Variants in TLR8 observed in about 807,000 individuals in gnomAD.
The protein encoded by TLR8 is toll-like receptor 8.
A neutral mutation model predicts 18.5 loss-of-function variants in TLR8; 5 were observed. The ratio of observed to expected loss-of-function variants is 0.27; its 90% confidence interval spans 0.14 to 0.57. TLR8 has a LOEUF of 0.57. Among genes scored for constraint, TLR8 ranks in the 20% least tolerant of loss-of-function variants. The pLI is 0.92. For synonymous variants in TLR8, 299 were observed against 300.1 expected (o/e 1.00, Z 0.04); for missense variants, 543 against 769.8 (o/e 0.71, Z 3.49).
In TLR8 at chrX:12,922,288, G is replaced by C; in HGVS notation, c.*122G>C. 4.2e-6 allele frequency: 4 copies of C among 956,341 alleles called. No individual in the cohort carries two copies. The highest frequency in any genetic ancestry group is 5.6e-6 in the Non-Finnish European group (4 of 709,532). The allele number at this position is 956,341 out of a possible 1,213,427, so 78.8% of individuals were successfully genotyped here. A position where few individuals can be genotyped will look rare whatever the true frequency, so the allele number is the denominator to read the frequency against. ...CTTAGTGGTTTAAAACAACACATTT[G>C]CTGGCCCACAGTTTTTGAGGGTCAG... On this transcript the variant is annotated 3_prime_UTR_variant, in exon 2 of 2. Transcript: ENST00000218032.
Position 12,922,101 on chromosome X carries a change from G to T in TLR8, c.3061G>T (p.Val1021Leu). 8.3e-7 allele frequency: 1 copy of T among 1,211,179 alleles called. No individual in the cohort carries two copies. Among genetic ancestry groups the T allele is most frequent in the Non-Finnish European group, 1.1e-6 (1 of 895,190 alleles). The change falls in exon 2 of 2, where the codon GTG becomes TTG. Residue 1021 changes from valine to leucine, a missense_variant. This residue lies in a region of TLR8 where 227 missense variants were observed against 312.9 expected (regional missense o/e 0.73). Transcript: ENST00000218032. The stretch of plus-strand genomic sequence containing the variant: ...CTTGTTTTGGCAAACTCTGAGAAAT[G>T]TGGTCTTGACTGAAAATGATTCACG... ...EGLFWQTLRN[V>L]VLTENDSRYN... is the part of the protein sequence containing the mutation.
chrX:12,910,483 T>C, intron 1 of TLR8: 1 of 1,148,570 alleles, frequency 8.7e-7, no homozygotes, highest in Non-Finnish European at 1.2e-6. Context: ...TTTACGCCCC[T>C]CCCAGACCAC....
At chrX:12,907,896 T>A (rs1347927315) in intron 1 of TLR8, among the ~76,000 whole-genome samples, 1 of 111,847 alleles carries the variant, frequency 8.9e-6, no homozygotes, top group African/African-American at 3.3e-5. Flanking sequence ...TGCACTAAAA[T>A]TTTACAATGC....
rs1053695885 is a variant in TLR8 at position 12,922,126 on chromosome X, G to A, written c.3086G>A (p.Arg1029Gln). The part of the protein sequence containing the change: ...RNVVLTENDS[R>Q]YNNMYVDSIK... ...GTGGTCTTGACTGAAAATGATTCAC[G>A]GTATAACAATATGTATGTCGATTCC... Residue 1029 changes from arginine (R) to glutamine (Q), a missense_variant, in exon 2 of 2, where the codon CGG (arginine) becomes CAG (glutamine). Coordinates refer to ENST00000218032, the MANE Select transcript of TLR8 (RefSeq NM_138636.5). 3.3e-6 allele frequency: 4 copies of A among 1,207,500 alleles called. No homozygotes were observed. The highest frequency in any genetic ancestry group is 1.8e-5 in the South Asian group (1 of 56,236).
chrX:12,910,039 A>G (rs748613198), intron 1 of TLR8, among the ~76,000 whole-genome samples: 39 of 112,071 alleles, frequency 3.5e-4, no homozygotes, highest in Admixed American at 1.5e-3. Context: ...TAGTGAATCC[A>G]TTGAATTTGG....
rs976964102 is a variant in TLR8, at chrX:12,919,636, C to T, written c.596C>T (p.Thr199Met). The T allele has an allele frequency of 1.7e-6, 2 of 1,209,814 alleles. No homozygotes were observed. The highest frequency in any genetic ancestry group is 1.7e-5 in the African/African-American group (1 of 57,176). ...KTNIEDGVFE[T>M]LTNLELLSLS... ...AACATAGAAGATGGAGTATTTGAAA[C>T]GCTGACAAATTTGGAGTTGCTATCA... Residue 199 changes from threonine to methionine, a missense_variant, in exon 2 of 2, where the codon ACG becomes ATG. By Grantham distance (81) the Thr-to-Met change is moderately conservative (BLOSUM62 -1). Around this residue, in one of 4 missense-constraint regions of TLR8, gnomAD observed 185 missense variants for 298.9 expected, o/e 0.62. Coordinates refer to ENST00000218032, the MANE Select transcript of TLR8 (RefSeq NM_138636.5).
At position 12,921,621 on chromosome X, in the gene TLR8, A is replaced by T; in HGVS notation, c.2581A>T (p.Asn861Tyr). Residue 861 changes from asparagine (N) to tyrosine (Y), a missense_variant, in exon 2 of 2, where the codon AAT becomes TAT. By Grantham distance (143) the Asn-to-Tyr change is moderately radical. Around this residue, in one of 4 missense-constraint regions of TLR8, gnomAD observed 227 missense variants for 312.9 expected, o/e 0.73. Transcript: ENST00000218032. ...TTACTGGGATGTTTGGTTTATATAT[A>T]ATGTGTGTTTAGCTAAGGTAAAAGG... ...LFYWDVWFIY[N>Y]VCLAKVKGYR... The T allele has an allele frequency of 1.7e-6, 2 of 1,211,250 alleles. No individual in the cohort carries two copies. The highest frequency in any genetic ancestry group is 2.2e-6 in the Non-Finnish European group (2 of 895,083).
intron 1 of TLR8, chrX:12,910,434 A>C: frequency 8.6e-7 from 1 of 1,167,569 alleles, no homozygotes; most frequent in Non-Finnish European, 1.1e-6. Context: ...GGGAAAGGAG[A>C]CTAAAAAGGT....
intron 1 of TLR8, among the ~76,000 whole-genome samples, chrX:12,917,944 G>A: frequency 8.9e-6 from 1 of 111,897 alleles, no homozygotes; most frequent in East Asian, 2.8e-4. Flanking sequence ...ATATGATTTT[G>A]GAATCAGATT....
In TLR8 at chrX:12,922,509, C is replaced by T. The variant is rs1038452362; in HGVS notation, c.*343C>T. The T allele has an allele frequency of 5.2e-5, 9 of 172,162 alleles. No individual in the cohort carries two copies. Among genetic ancestry groups the T allele is most frequent in the African/African-American group, 1.8e-4 (6 of 33,243 alleles). The allele number at this position is 172,162 out of a possible 1,213,427, so 14.2% of individuals were successfully genotyped here. A position where few individuals can be genotyped will look rare whatever the true frequency, so the allele number is the denominator to read the frequency against. On this transcript the variant is annotated 3_prime_UTR_variant, in exon 2 of 2. Coordinates refer to ENST00000218032, the MANE Select transcript of TLR8 (RefSeq NM_138636.5). ...GCCTCTCCCACAAGGCAGCTTGCTT[C>T]ATCAGAGCTAGCAAAAAAGAGAGGT...
At position 12,921,270 on chromosome X, in the gene TLR8, A is replaced by G. The variant is rs758678705; in HGVS notation, c.2230A>G (p.Ser744Gly). 8.3e-6 allele frequency: 10 copies of G among 1,211,719 alleles called. No homozygotes were observed. The South Asian group carries it at 1.6e-4, about 19-fold the overall frequency. ...CAGTAGTCTGAAGCACCTCGATTTA[A>G]GTTCCAATCTGCTAAAAACAATCAA... ...EVSSLKHLDL[S>G]SNLLKTINKS... Residue 744 changes from serine (S) to glycine (G), a missense_variant, in exon 2 of 2, where the codon AGT becomes GGT. This residue lies in a region of TLR8 where 227 missense variants were observed against 312.9 expected (regional missense o/e 0.73). Transcript: ENST00000218032.
rs1436639248 is a variant in TLR8 at position 12,921,618 on chromosome X, T to A, written c.2578T>A (p.Tyr860Asn). 1 of 1,210,090 alleles carries A rather than the reference T, an allele frequency of 8.3e-7. No individual in the cohort carries two copies. Among genetic ancestry groups the A allele is most frequent in the African/African-American group, 1.7e-5 (1 of 57,286 alleles). Residue 860 changes from tyrosine to asparagine, a missense_variant, in exon 2 of 2, where the codon TAT becomes AAT. This residue lies in a region of TLR8 where 227 missense variants were observed against 312.9 expected (regional missense o/e 0.73). Coordinates refer to ENST00000218032, the MANE Select transcript of TLR8 (RefSeq NM_138636.5). The stretch of plus-strand genomic sequence containing the variant: ...GTTTTACTGGGATGTTTGGTTTATA[T>A]ATAATGTGTGTTTAGCTAAGGTAAA... ...HLFYWDVWFIYNVCLAKVKGY... is the reference protein window; with the variant it reads ...HLFYWDVWFINNVCLAKVKGY...
At chrX:12,911,996 A>C (rs1021786690) in intron 1 of TLR8, among the ~76,000 whole-genome samples, 1 of 112,387 alleles carries the variant, frequency 8.9e-6, no homozygotes, top group Non-Finnish European at 1.9e-5. Flanking sequence ...CTATTCTTTT[A>C]CTATGGCTTT....
At position 12,921,303 on chromosome X, in the gene TLR8, G is replaced by A. The variant is rs749873996; in HGVS notation, c.2263G>A (p.Ala755Thr). 1.5e-5 allele frequency: 18 copies of A among 1,209,587 alleles called. No homozygotes were observed. The highest frequency in any genetic ancestry group is 2.3e-4 in the Middle Eastern group (1 of 4,354). The change falls in exon 2 of 2, where the codon GCA (alanine) becomes ACA (threonine). Residue 755 changes from alanine (A) to threonine (T), a missense_variant. Coordinates refer to ENST00000218032, the MANE Select transcript of TLR8 (RefSeq NM_138636.5). ...TCTGCTAAAAACAATCAACAAATCC[G>A]CACTTGAAACTAAGACCACCACCAA... ...SNLLKTINKS[A>T]LETKTTTKLS...
intron 1 of TLR8, among the ~76,000 whole-genome samples, chrX:12,916,815 G>A (rs5744066): frequency 8.1e-5 from 9 of 110,928 alleles, no homozygotes; most frequent in Non-Finnish European, 1.7e-4. Context: ...TTTGTTTCCA[G>A]GTTCATCCAG....
At chrX:12,911,958 CCT>C (rs2043023609) in intron 1 of TLR8, among the ~76,000 whole-genome samples, 1 of 112,531 alleles carries the variant, frequency 8.9e-6, no homozygotes, top group Non-Finnish European at 1.9e-5. Context: ...GTTGTCTCCT[CCT>C]ACACTTTCTT....
rs2147260186 is a variant in TLR8, at chrX:12,922,415, G to T, written c.*249G>T. 5.7e-6 allele frequency: 2 copies of T among 351,626 alleles called. No individual in the cohort carries two copies. Among genetic ancestry groups the T allele is most frequent in the East Asian group, 9.4e-5 (2 of 21,233 alleles). The allele number at this position is 351,626 out of a possible 1,213,427, so 29.0% of individuals were successfully genotyped here. A position where few individuals can be genotyped will look rare whatever the true frequency, so the allele number is the denominator to read the frequency against. On this transcript the variant is annotated 3_prime_UTR_variant, in exon 2 of 2. Transcript: ENST00000218032. ...TAGGCATCACTGGGGTCACACTCAT[G>T]TGGTTGTTTTCTGGATTCAATTCCT...
intron 1 of TLR8, among the ~76,000 whole-genome samples, chrX:12,909,036 T>C (rs1255337559): frequency 8.9e-6 from 1 of 112,017 alleles, no homozygotes; most frequent in African/African-American, 3.3e-5. Context: ...TTGGACATTA[T>C]TTGTAAGTGC....
intron 1 of TLR8, among the ~76,000 whole-genome samples, chrX:12,915,239 T>C (rs1246985732): frequency 1.8e-5 from 2 of 111,609 alleles, no homozygotes; most frequent in African/African-American, 6.5e-5. Flanking sequence ...CATGGCTCAC[T>C]GCAGCCTCCA....
Sources: allele counts gnomAD v4.1 joint callset (sites outside exome capture counted in the v4.1 genomes callset), GRCh38; gene constraint gnomAD v4.1.1; regional missense constraint gnomAD v4.1.1; transcripts MANE v1.5; gene names NCBI Gene and HGNC (gene_info 2026-07-23, HGNC 2026-07-21).